The following SIDT1 variants were observed in gnomAD, a reference collection of about 807,000 sequenced individuals.
SIDT1 encodes SID1 transmembrane family member 1, also known as SID1 transmembrane family, member 1.
SIDT1 carries 101 observed loss-of-function variants against 107.5 expected under a neutral mutation model. That is an observed-to-expected ratio of 0.94 (90% CI 0.80 to 1.11). SIDT1 has a LOEUF of 1.11. SIDT1 is among the 50% of genes least tolerant of loss of function. SIDT1 has a pLI of 0.00. For synonymous variants in SIDT1, 395 were observed against 398.2 expected, an observed-to-expected ratio of 0.99 and a Z score of 0.10; for missense variants, 1,076 against 1,058.2, an observed-to-expected ratio of 1.02 and a Z score of -0.23.
At chr3:113,603,482 C>T (rs1945107734) in intron 12 of SIDT1, among the ~76,000 whole-genome samples, 1 of 152,124 alleles carries the variant, frequency 6.6e-6, no homozygotes. Flanking sequence ...GAAAGCTCCC[C>T]GGTTCTGTGC....
intron 1 of SIDT1, among the ~76,000 whole-genome samples, chr3:113,553,788 G>A (rs1940540041): frequency 6.6e-6 from 1 of 152,168 alleles, no homozygotes; most frequent in Non-Finnish European, 1.5e-5. Context: ...GCTCACGCCT[G>A]TAATCCCAGC....
Position 113,558,726 on chromosome 3 carries a change from A to G in SIDT1, c.223-7694A>G, listed in dbSNP as rs550059743. Among the ~76,000 whole-genome samples the G allele has an allele frequency of 2.0e-5, 3 of 152,322 alleles. No homozygotes were observed. In the East Asian group the frequency reaches 5.8e-4, roughly 29 times the overall value. On this transcript the variant is annotated intron_variant, in intron 1 of 24. Coordinates refer to ENST00000264852, the MANE Select transcript of SIDT1 (RefSeq NM_017699.3). ...TGCTTACCCTAATAAGAGTCATTAA[A>G]TTGTTTGTTTCCAACCCAGGAGACT... is the stretch of plus-strand genomic sequence containing the variant.
intron 3 of SIDT1, among the ~76,000 whole-genome samples, chr3:113,576,186 C>T (rs934858807): frequency 1.3e-5 from 2 of 152,270 alleles, no homozygotes; most frequent in Admixed American, 6.5e-5. Context: ...TTCTTCAGTG[C>T]CTAGATCATT....
intron 1 of SIDT1, among the ~76,000 whole-genome samples, chr3:113,561,547 A>G (rs1055234009): frequency 2.0e-5 from 3 of 152,134 alleles, no homozygotes; most frequent in Admixed American, 2.0e-4. Context: ...CAACTCTAAC[A>G]TTAGTGATCT....
chr3:113,603,742 G>A (rs1183564113), intron 12 of SIDT1, among the ~76,000 whole-genome samples: 1 of 151,976 alleles, frequency 6.6e-6, no homozygotes, highest in Non-Finnish European at 1.5e-5. Context: ...TTTTATTAAG[G>A]TATCATGGGA....
At chr3:113,608,041 T>C in intron 15 of SIDT1, 53 bp from the exon 16 acceptor site, 1 of 1,490,322 alleles carries the variant, frequency 6.7e-7, no homozygotes, top group Non-Finnish European at 9.0e-7. Flanking sequence ...ATGTATTCTC[T>C]GGGTCCCTTT....
At chr3:113,536,385 G>T (rs774726137) in intron 1 of SIDT1, among the ~76,000 whole-genome samples, 2 of 152,166 alleles carry the variant, frequency 1.3e-5, no homozygotes, top group Non-Finnish European at 2.9e-5. Context: ...AGTCTTTCTA[G>T]CCTGCAGGGT....
At chr3:113,576,366 C>G (rs1306243420) in intron 3 of SIDT1, among the ~76,000 whole-genome samples, 1 of 152,144 alleles carries the variant, frequency 6.6e-6, no homozygotes. Flanking sequence ...GAATTTCAGC[C>G]AACGTGGCAG....
chr3:113,623,892 T>A (rs921942451), intron 23 of SIDT1, among the ~76,000 whole-genome samples, 159 bp downstream of exon 23: 4 of 152,246 alleles, frequency 2.6e-5, no homozygotes, highest in African/African-American at 9.6e-5. Context: ...GCACAATAAC[T>A]GCATGCGTTA....
intron 7 of SIDT1, among the ~76,000 whole-genome samples, chr3:113,584,078 T>C (rs758342455): frequency 2.0e-5 from 3 of 152,196 alleles, no homozygotes; most frequent in Admixed American, 6.5e-5. Context: ...AAGGGCAGAA[T>C]AGGCTGATGA....
At chr3:113,599,194 G>T (rs955661739) in intron 10 of SIDT1, among the ~76,000 whole-genome samples, 2 of 152,158 alleles carry the variant, frequency 1.3e-5, no homozygotes, top group Admixed American at 1.3e-4. Flanking sequence ...ATACTGAGGG[G>T]AATGTAAAAG....
intron 9 of SIDT1, among the ~76,000 whole-genome samples, chr3:113,588,965 A>G (rs114421895): frequency 6.6e-6 from 1 of 152,170 alleles, no homozygotes; most frequent in Admixed American, 6.5e-5. Flanking sequence ...TGACAGATCA[A>G]CTAAGAGCTA....
chr3:113,632,428 C>T (rs1947100358), downstream of SIDT1, among the ~76,000 whole-genome samples: 1 of 152,148 alleles, frequency 6.6e-6, no homozygotes, highest in South Asian at 2.1e-4. Context: ...CTTATCTGAA[C>T]CTTTCACAAG....
intron 1 of SIDT1, among the ~76,000 whole-genome samples, chr3:113,565,467 A>G (rs1225772677): frequency 1.3e-5 from 2 of 152,176 alleles, no homozygotes. Flanking sequence ...GGGAGGTTGC[A>G]GTGAGCCAAG....
At chr3:113,544,847 C>T (rs1015494145) in intron 1 of SIDT1, among the ~76,000 whole-genome samples, 1 of 152,136 alleles carries the variant, frequency 6.6e-6, no homozygotes, top group Non-Finnish European at 1.5e-5. Context: ...GGTGCGGCGG[C>T]TCAAGCCTGT....
intron 19 of SIDT1, among the ~76,000 whole-genome samples, chr3:113,615,658 T>C (rs1432738821): frequency 6.6e-6 from 1 of 152,222 alleles, no homozygotes; most frequent in African/African-American, 2.4e-5. Context: ...TATAACCGCA[T>C]TGAGAAATAA....
intron 21 of SIDT1, among the ~76,000 whole-genome samples, chr3:113,621,160 T>G (rs998400150): frequency 3.9e-5 from 6 of 152,144 alleles, no homozygotes; most frequent in African/African-American, 1.2e-4. Flanking sequence ...CATATGCATA[T>G]AGAGAGAGAG....
rs551666950 is a variant in SIDT1, at chr3:113,623,248, T to A, written c.2091-179T>A. On this transcript the variant is annotated intron_variant, in intron 21 of 24. Transcript: ENST00000264852. ...ATACTTATATGTTAAAGTATTTTTT[T>A]AAAAATCTACTGTTCCATCAGAGGT... 4.1e-3 allele frequency among the ~76,000 whole-genome samples: 563 copies of A among 138,500 alleles called. 6 individuals are homozygous for A. The highest frequency in any genetic ancestry group is 0.013 in the African/African-American group (489 of 37,206). The allele number at this position is 138,500 out of a possible 152,430, so 90.9% of individuals were successfully genotyped here.
At chr3:113,614,183 G>A (rs995329062) in intron 19 of SIDT1, among the ~76,000 whole-genome samples, 3 of 152,180 alleles carry the variant, frequency 2.0e-5, no homozygotes, top group Non-Finnish European at 4.4e-5. Context: ...CTCACAGGGA[G>A]GACGCCGGCA....
Sources: allele counts gnomAD v4.1 joint callset (sites outside exome capture counted in the v4.1 genomes callset), GRCh38; gene constraint gnomAD v4.1.1; transcripts MANE v1.5; gene names NCBI Gene and HGNC (gene_info 2026-07-23, HGNC 2026-07-21).